GRIK5: variants seen among roughly 807,000 people sequenced by gnomAD.
The protein encoded by GRIK5 is glutamate ionotropic receptor kainate type subunit 5, also known as glutamate receptor ionotropic, kainate 5.
Under a neutral mutation model 97.4 loss-of-function variants are expected in GRIK5, and 43 were observed. The observed-to-expected ratio is 0.44, with a 90% CI of 0.35 to 0.57. The LOEUF is 0.57. GRIK5 is among the 20% of genes least tolerant of loss of function. GRIK5 has a pLI of 0.01. For missense variants in GRIK5, 1,015 were observed against 1,382.0 expected (o/e 0.73, Z 4.21); for synonymous variants, 580 against 583.5 (o/e 0.99, Z 0.09).
Position 42,002,596 on chromosome 19 carries a change from G to A in GRIK5, c.2514+736C>T, listed in dbSNP as rs1555871269. ...CGCTGGATGTGAGGAGGGGGAGGAA[G>A]GGCTGGAGGCTGACAGAGAGAGGGG... On this transcript the variant is annotated intron_variant, in intron 19 of 19. Coordinates refer to ENST00000593562, the MANE Select transcript of GRIK5 (RefSeq NM_002088.5). This position sits in a 1 kb window ranked among gnomAD's most constrained non-coding sequence, Gnocchi z 5.2. The A allele has an allele frequency of 4.7e-6, 3 of 638,662 alleles. No homozygotes were observed. Among genetic ancestry groups the A allele is most frequent in the East Asian group, 5.5e-5 (2 of 36,678 alleles). The allele number at this position is 638,662 out of a possible 1,614,324, so 39.6% of individuals were successfully genotyped here.
chr19:42,002,559 T>C lies in GRIK5; in HGVS notation c.2514+773A>G, dbSNP rs1324588152. 3 of 667,338 alleles carry C rather than the reference T, an allele frequency of 4.5e-6. No individual in the cohort carries two copies. The highest frequency in any genetic ancestry group is 8.3e-6 in the Non-Finnish European group (3 of 359,816). 41.3% of individuals were successfully genotyped at this position (667,338 alleles called of 1,614,324 possible). On this transcript the variant is annotated intron_variant, in intron 19 of 19. Transcript: ENST00000593562. This position sits in a 1 kb window ranked among gnomAD's most constrained non-coding sequence, Gnocchi z 5.2. ...GCAGAGCTGGGGTCTGGGGAGTAGA[T>C]GTAAGGTCAGCCGCTGGATGTGAGG...
chr19:42,014,781 G>T (rs2075605555), intron 15 of GRIK5, among the ~76,000 whole-genome samples: 1 of 151,400 alleles, frequency 6.6e-6, no homozygotes, highest in African/African-American at 2.4e-5. Flanking sequence ...TTGGTCAGGT[G>T]TGGTGGCTCA....
At position 42,014,903 on chromosome 19, in the gene GRIK5, G is replaced by T. The variant is rs528111134; in HGVS notation, c.1871+6398C>A. Among the ~76,000 whole-genome samples, 4 of 152,270 alleles carry T rather than the reference G, an allele frequency of 2.6e-5. No homozygotes were observed. The South Asian group carries it at 6.2e-4, about 24-fold the overall frequency. On this transcript the variant is annotated intron_variant, in intron 15 of 19. Coordinates refer to ENST00000593562, the MANE Select transcript of GRIK5 (RefSeq NM_002088.5). ...GACCCTATCTCTATTTAAAAGAAAAGAAAAGGAATGCTCTTTAAATATAAT... is the reference window on the plus strand; with the variant it reads ...GACCCTATCTCTATTTAAAAGAAAATAAAAGGAATGCTCTTTAAATATAAT...
At chr19:42,068,382 C>A (rs367864067) in intron 1 of GRIK5, 164 of 197,896 alleles carry the variant, frequency 8.3e-4, no homozygotes, top group Middle Eastern at 3.6e-3. Flanking sequence ...AGAAAGGCCA[C>A]GCGAGGTAAC....
At chr19:42,001,807 A>T in intron 19 of GRIK5, 1 of 340,154 alleles carries the variant, frequency 2.9e-6, no homozygotes, top group Non-Finnish European at 5.3e-6. Context: ...TGTTAAGGTC[A>T]TTTGTTATGA....
rs185717121 is a variant in GRIK5 at position 42,021,883 on chromosome 19, G to T, written c.1697+64C>A. 4.9e-6 allele frequency: 5 copies of T among 1,029,066 alleles called. No homozygotes were observed. In the East Asian group the frequency reaches 7.6e-5, roughly 16 times the overall value. The allele number at this position is 1,029,066 out of a possible 1,614,324, so 63.7% of individuals were successfully genotyped here. On this transcript the variant is annotated intron_variant, in intron 14 of 19. Coordinates refer to ENST00000593562, the MANE Select transcript of GRIK5 (RefSeq NM_002088.5). The surrounding 1 kb of genome is among the most constrained non-coding windows in gnomAD (Gnocchi z 4.2). ...AGTTCCGAGAGAGAAGAGGCAGGTC[G>T]GTCCCAGAGGCCTCGGCTCGTGCCT...
intron 1 of GRIK5, among the ~76,000 whole-genome samples, chr19:42,067,365 C>T (rs2076349399): frequency 6.6e-6 from 1 of 152,242 alleles, no homozygotes; most frequent in Non-Finnish European, 1.5e-5. Flanking sequence ...GAGCAAGTCA[C>T]TGCCTTCTAG....
chr19:42,022,455 C>G lies in GRIK5; in HGVS notation c.1474-101G>C. The G allele has an allele frequency of 2.9e-6, 4 of 1,391,668 alleles. No homozygotes were observed. The highest frequency in any genetic ancestry group is 2.2e-5 in the Admixed American group (1 of 44,520). 86.2% of individuals were successfully genotyped at this position (1,391,668 alleles called of 1,614,324 possible). On this transcript the variant is annotated intron_variant, in intron 12 of 19. Transcript: ENST00000593562. This position sits in a 1 kb window ranked among gnomAD's most constrained non-coding sequence, Gnocchi z 4.2. ...ACGGAGAGTGAGCAACTGAGGGAGG[C>G]GAGAGAGAGAGAGGTAGGGAGGGGG...
chr19:41,998,815 TG>T lies in GRIK5; in HGVS notation c.*55del. 2 of 911,916 alleles carry T rather than the reference TG, an allele frequency of 2.2e-6. No individual in the cohort carries two copies. The highest frequency in any genetic ancestry group is 2.7e-6 in the Non-Finnish European group (2 of 737,222). 56.5% of individuals were successfully genotyped at this position (911,916 alleles called of 1,614,324 possible). On this transcript the variant is annotated 3_prime_UTR_variant, in exon 20 of 20. Transcript: ENST00000593562. ...TGCGGGAGCGGAGACTGCTGGGGCC[TG>T]GGGCGGGCCCCGTCCCTTCGGTCAG...
chr19:42,009,922 C>T (rs1290666204), intron 15 of GRIK5, among the ~76,000 whole-genome samples: 5 of 151,368 alleles, frequency 3.3e-5, no homozygotes, highest in African/African-American at 7.3e-5. Flanking sequence ...CAAAATTAGC[C>T]GAGCATGGTG....
chr19:42,034,485 TC>T (rs936006099), intron 12 of GRIK5, among the ~76,000 whole-genome samples: 68 of 152,252 alleles, frequency 4.5e-4, no homozygotes, highest in African/African-American at 1.6e-3. Flanking sequence ...CTTTTTCCCC[TC>T]AACCACACTT....
intron 8 of GRIK5, among the ~76,000 whole-genome samples, chr19:42,055,260 T>C (rs1022435575): frequency 5.3e-5 from 8 of 152,156 alleles, no homozygotes; most frequent in African/African-American, 1.7e-4. Flanking sequence ...CTGTGTTGTG[T>C]AGATGTGCAC....
Position 42,022,653 on chromosome 19 carries a change from A to G in GRIK5, c.1474-299T>C. Reference sequence around the variant, plus strand: ...GGATGGAGGGGTTCCCCAAACTCCAATTCAAGCAGCAACTTCTCCCTAGGG... The same window carrying G: ...GGATGGAGGGGTTCCCCAAACTCCAGTTCAAGCAGCAACTTCTCCCTAGGG... On this transcript the variant is annotated intron_variant, in intron 12 of 19. Coordinates refer to ENST00000593562, the MANE Select transcript of GRIK5 (RefSeq NM_002088.5). This position sits in a 1 kb window ranked among gnomAD's most constrained non-coding sequence, Gnocchi z 4.2. The G allele has an allele frequency of 3.0e-6, 3 of 984,922 alleles. No homozygotes were observed. The highest frequency in any genetic ancestry group is 1.1e-4 in the East Asian group (1 of 8,802). The allele number at this position is 984,922 out of a possible 1,614,324, so 61.0% of individuals were successfully genotyped here. A position where few individuals can be genotyped will look rare whatever the true frequency, so the allele number is the denominator to read the frequency against.
At chr19:42,007,273 T>G (rs1310074910) in intron 15 of GRIK5, among the ~76,000 whole-genome samples, 1 of 151,778 alleles carries the variant, frequency 6.6e-6, no homozygotes, top group Non-Finnish European at 1.5e-5. Context: ...TTTTGTATTT[T>G]TAGCAGAGAC....
At chr19:42,033,062 G>A (rs745940000) in intron 12 of GRIK5, among the ~76,000 whole-genome samples, 1 of 152,232 alleles carries the variant, frequency 6.6e-6, no homozygotes, top group Non-Finnish European at 1.5e-5. Context: ...GCTCACGCCT[G>A]TAATCCCAGC....
At chr19:42,044,588 G>A (rs1479564069) in intron 11 of GRIK5, among the ~76,000 whole-genome samples, 1 of 152,192 alleles carries the variant, frequency 6.6e-6, no homozygotes, top group Non-Finnish European at 1.5e-5. Context: ...TTTGTACAAT[G>A]TCACTTTGGA....
At chr19:42,028,771 GGCCCTTGGGCCAAGTCCA>G (rs2075802587) in intron 12 of GRIK5, among the ~76,000 whole-genome samples, 1 of 152,234 alleles carries the variant, frequency 6.6e-6, no homozygotes, top group Non-Finnish European at 1.5e-5. Flanking sequence ...GGAAAGCTAT[GGCCCTTGGGCCAAGTCCA>G]GCCCATCTGC....
chr19:42,068,541 A>C, intron 1 of GRIK5: 2 of 398,076 alleles, frequency 5.0e-6, no homozygotes, highest in Non-Finnish European at 8.9e-6. Flanking sequence ...GAGGTGGAAA[A>C]GTGACAGAGG....
At chr19:42,035,196 G>A (rs890841279) in intron 12 of GRIK5, among the ~76,000 whole-genome samples, 4 of 151,692 alleles carry the variant, frequency 2.6e-5, no homozygotes, top group Admixed American at 2.6e-4. Flanking sequence ...GGTCAGGCTG[G>A]TCTCGAATTC....
Sources: allele counts gnomAD v4.1 joint callset (sites outside exome capture counted in the v4.1 genomes callset), GRCh38; gene constraint gnomAD v4.1.1; non-coding constraint Gnocchi (gnomAD v3.1); transcripts MANE v1.5; gene names NCBI Gene and HGNC (gene_info 2026-07-23, HGNC 2026-07-21).